The following TENM3 variants were observed in gnomAD, a reference collection of about 807,000 sequenced individuals.
TENM3 encodes teneurin-3.
Under a neutral mutation model 255.1 loss-of-function variants are expected in TENM3, and 63 were observed. The ratio of observed to expected loss-of-function variants is 0.25; its 90% CI spans 0.20 to 0.30. The LOEUF (loss-of-function observed/expected upper bound fraction) is 0.30. Ranked by LOEUF, TENM3 falls within the 10% of genes least tolerant of loss-of-function variation. The pLI, the probability that TENM3 is intolerant of heterozygous loss-of-function variation, is 1.00. For synonymous variants in TENM3, 1,306 were observed against 1,322.3 expected (o/e 0.99, Z 0.27); for missense variants, 2,929 against 3,461.1 (o/e 0.85, Z 3.86).
intron 1 of TENM3, among the ~76,000 whole-genome samples, chr4:182,286,830 G>A (rs544788162): frequency 2.6e-4 from 39 of 152,184 alleles, no homozygotes; most frequent in African/African-American, 8.4e-4. Context: ...TCTCCCTAGC[G>A]TGTGGTCCAC....
chr4:181,697,802 T>A, the TENM3 span, among the ~76,000 whole-genome samples: 18 of 152,240 alleles, frequency 1.2e-4, no homozygotes, highest in Non-Finnish European at 2.5e-4. Context: ...GCTGAATGTG[T>A]TAATTTCTAA....
chr4:182,760,975 C>CATTA (rs1390541418), intron 22 of TENM3, among the ~76,000 whole-genome samples: 1 of 151,954 alleles, frequency 6.6e-6, no homozygotes, highest in Non-Finnish European at 1.5e-5. Flanking sequence ...GATAATTATT[C>CATTA]ATTAATTAGA....
chr4:182,144,050 T>A (rs1319105088), upstream of TENM3: 1 of 152,608 alleles, frequency 6.6e-6, no homozygotes, highest in African/African-American at 2.4e-5. Context: ...AAAGTACCTG[T>A]CATCTTGACA....
chr4:181,483,749 C>T, the TENM3 span, among the ~76,000 whole-genome samples: 1 of 152,106 alleles, frequency 6.6e-6, no homozygotes, highest in African/African-American at 2.4e-5. Context: ...ATACAAGTCT[C>T]AGCCATGTGA....
chr4:181,830,835 A>G, the TENM3 span, among the ~76,000 whole-genome samples: 1 of 152,020 alleles, frequency 6.6e-6, no homozygotes, highest in African/African-American at 2.4e-5. Context: ...TCCTGAGTGT[A>G]GGTCGCTCCT....
chr4:182,141,634 A>T (rs1051751298), upstream of TENM3: 1 of 152,202 alleles, frequency 6.6e-6, no homozygotes, highest in African/African-American at 2.4e-5. Flanking sequence ...AATGAGTTCT[A>T]GAGTATTTTT....
At chr4:182,696,904 C>T (rs550246123) in intron 12 of TENM3, among the ~76,000 whole-genome samples, 167 of 152,132 alleles carry the variant, frequency 1.1e-3, no homozygotes, top group Non-Finnish European at 2.0e-3. Context: ...ACCCATAAAC[C>T]CTGGATTTCC....
chr4:181,514,820 A>G, the TENM3 span, among the ~76,000 whole-genome samples: 2 of 152,212 alleles, frequency 1.3e-5, no homozygotes, highest in African/African-American at 4.8e-5. Flanking sequence ...CGTGGTAGCC[A>G]CTCGGGAGGG....
At chr4:181,684,944 T>TA in the TENM3 span, among the ~76,000 whole-genome samples, 10,711 of 101,450 alleles carry the variant, frequency 0.11, 988 homozygotes, top group East Asian at 0.18. Flanking sequence ...TTTTTTTTTT[T>TA]AAGTAGAAAC....
the TENM3 span, among the ~76,000 whole-genome samples, chr4:181,500,067 T>G: frequency 1.3e-5 from 2 of 152,120 alleles, no homozygotes; most frequent in Non-Finnish European, 2.9e-5. Context: ...TCACTCTTGT[T>G]GCCCAGGCTG....
chr4:181,813,009 T>A, the TENM3 span, among the ~76,000 whole-genome samples: 3 of 152,292 alleles, frequency 2.0e-5, no homozygotes, highest in African/African-American at 7.2e-5. Flanking sequence ...AACCTCTTAG[T>A]GTCTCCTTCA....
the TENM3 span, among the ~76,000 whole-genome samples, chr4:182,100,538 T>C: frequency 0.021 from 3,012 of 141,178 alleles, 67 homozygotes; most frequent in Non-Finnish European, 0.032. Flanking sequence ...TACACACATA[T>C]ATATATACAC....
At chr4:181,948,821 A>T in the TENM3 span, among the ~76,000 whole-genome samples, 1 of 152,098 alleles carries the variant, frequency 6.6e-6, no homozygotes, top group Non-Finnish European at 1.5e-5. Flanking sequence ...AGTGTGGATG[A>T]ATGCAGATTT....
intron 25 of TENM3, among the ~76,000 whole-genome samples, chr4:182,791,082 A>C (rs561658890): frequency 6.6e-6 from 1 of 152,368 alleles, no homozygotes; most frequent in South Asian, 2.1e-4. Flanking sequence ...ACCACCATCA[A>C]ATATGACTTC....
the TENM3 span, among the ~76,000 whole-genome samples, chr4:181,822,438 C>G: frequency 6.6e-6 from 1 of 152,178 alleles, no homozygotes; most frequent in South Asian, 2.1e-4. Context: ...TTAAAGGAAA[C>G]AGACTTATTT....
chr4:181,607,831 A>T, the TENM3 span, among the ~76,000 whole-genome samples: 1 of 152,226 alleles, frequency 6.6e-6, no homozygotes, highest in Non-Finnish European at 1.5e-5. Context: ...AAATCAATTT[A>T]TTATAATGAG....
chr4:182,618,864 T>C (rs1270703276), intron 4 of TENM3, among the ~76,000 whole-genome samples: 2 of 151,672 alleles, frequency 1.3e-5, no homozygotes, highest in Non-Finnish European at 2.9e-5. Flanking sequence ...ACTTCTCTGC[T>C]CAGCAATAAA....
chr4:181,761,789 G>A, the TENM3 span, among the ~76,000 whole-genome samples: 1 of 152,148 alleles, frequency 6.6e-6, no homozygotes, highest in Non-Finnish European at 1.5e-5. Context: ...AGATGAGAGA[G>A]AATCTATTTT....
chr4:182,531,311 G>C (rs1739760059), intron 3 of TENM3, among the ~76,000 whole-genome samples: 1 of 152,118 alleles, frequency 6.6e-6, no homozygotes, highest in South Asian at 2.1e-4. Context: ...TAGTAATGGG[G>C]ACATAAAATA....
Sources: gnomAD v4.1 joint callset for allele counts (sites outside exome capture counted in the v4.1 genomes callset) on GRCh38, gnomAD v4.1.1 for gene constraint, MANE v1.5 for transcripts, NCBI Gene and HGNC (gene_info 2026-07-23, HGNC 2026-07-21) for gene names.